The following GRIP2 variants were observed in gnomAD, a reference collection of about 807,000 sequenced individuals.
The protein encoded by GRIP2 is glutamate receptor interacting protein 2, also known as glutamate receptor-interacting protein 2.
In GRIP2, 58 loss-of-function variants were observed where a neutral mutation model predicts 108.3. The ratio of observed to expected loss-of-function variants is 0.54; its 90% CI spans 0.43 to 0.67. GRIP2 has a LOEUF of 0.67. Among genes scored for constraint, GRIP2 ranks in the 30% least tolerant of loss-of-function variants. The pLI is 0.00. For synonymous variants in GRIP2, 586 were observed against 598.2 expected, an observed-to-expected ratio of 0.98 and a Z score of 0.30; for missense variants, 1,278 against 1,430.6, an observed-to-expected ratio of 0.89 and a Z score of 1.72.
At position 14,492,228 on chromosome 3, in the gene GRIP2, C is replaced by T. The variant is rs972365781; in HGVS notation, c.*1437G>A. 1.3e-5 allele frequency: 2 copies of T among 152,288 alleles called. No individual in the cohort carries two copies. Among genetic ancestry groups the T allele is most frequent in the African/African-American group, 2.4e-5 (1 of 41,466 alleles). 9.4% of individuals were successfully genotyped at this position (152,288 alleles called of 1,614,324 possible). Reference sequence around the variant, plus strand: ...AGGGTGAAAAGAACAGACCTCTTGACTCCTCATCTGTTCCCTCAAATGGAA... The same window carrying T: ...AGGGTGAAAAGAACAGACCTCTTGATTCCTCATCTGTTCCCTCAAATGGAA... On this transcript the variant is annotated 3_prime_UTR_variant, in exon 24 of 24. Transcript: ENST00000621039.
chr3:14,513,842 G>C lies in GRIP2; in HGVS notation c.1494-32C>G, dbSNP rs776391565. On this transcript the variant is annotated intron_variant, in intron 12 of 23. Transcript: ENST00000621039. ...CCAGGGGGCCCGGCAGAGAGAAGAG[G>C]CTCCGTGACAGGTCCATTGGGAGAC... 3.1e-6 allele frequency: 5 copies of C among 1,606,442 alleles called. No homozygotes were observed. The Admixed American group carries it at 6.7e-5, about 22-fold the overall frequency.
At chr3:14,527,247 A>AAAGGGAAGGG (rs145344565) in intron 1 of GRIP2, among the ~76,000 whole-genome samples, 52 of 151,038 alleles carry the variant, frequency 3.4e-4, no homozygotes, top group South Asian at 8.4e-4. Flanking sequence ...AAGAAGGAAG[A>AAAGGGAAGGG]AAGGGAAGGG....
At chr3:14,589,528 G>A in the GRIP2 span, among the ~76,000 whole-genome samples, 1 of 152,160 alleles carries the variant, frequency 6.6e-6, no homozygotes, top group Non-Finnish European at 1.5e-5. Context: ...ATCCCCTATA[G>A]ACAGTTGGTT....
chr3:14,590,783 G>A, the GRIP2 span, among the ~76,000 whole-genome samples: 2 of 152,222 alleles, frequency 1.3e-5, no homozygotes, highest in East Asian at 1.9e-4. Context: ...GTGATTAAGT[G>A]TATAAAGGGG....
chr3:14,587,562 C>T, the GRIP2 span, among the ~76,000 whole-genome samples: 1 of 151,202 alleles, frequency 6.6e-6, no homozygotes, highest in Non-Finnish European at 1.5e-5. Context: ...TCGCTTGAAC[C>T]TGGGAGGCGG....
At chr3:14,494,714 A>G in intron 23 of GRIP2, 129 bp downstream of exon 23, 1 of 1,185,560 alleles carries the variant, frequency 8.4e-7, no homozygotes, top group African/African-American at 1.6e-5. Context: ...CCGCAATGCA[A>G]CTTTGGCTAA....
the GRIP2 span, among the ~76,000 whole-genome samples, chr3:14,600,571 C>T: frequency 3.2e-4 from 49 of 152,144 alleles, no homozygotes; most frequent in Admixed American, 7.2e-4. Flanking sequence ...CTGGCTGGGG[C>T]CCCTCTCTGA....
chr3:14,579,542 T>G, the GRIP2 span, among the ~76,000 whole-genome samples: 2 of 152,254 alleles, frequency 1.3e-5, no homozygotes, highest in East Asian at 3.9e-4. Flanking sequence ...TGGGAGGCAT[T>G]GTGGTAACTT....
upstream of GRIP2, among the ~76,000 whole-genome samples, chr3:14,541,142 G>C (rs1437431181): frequency 6.6e-6 from 1 of 152,258 alleles, no homozygotes; most frequent in Admixed American, 6.5e-5. Flanking sequence ...GGACTGACCA[G>C]GCTGATCTTA....
Position 14,503,552 on chromosome 3 carries a change from G to T in GRIP2, c.2679+14C>A. ...CGGGTGCCCCATGCAGGCCTGCAGG[G>T]CAGGCAGCCATACCTCCAGTTCCCT... On this transcript the variant is annotated intron_variant, in intron 21 of 23. Transcript: ENST00000621039. 1 of 1,595,402 alleles carries T rather than the reference G, an allele frequency of 6.3e-7. No homozygotes were observed. Among genetic ancestry groups the T allele is most frequent in the Non-Finnish European group, 8.6e-7 (1 of 1,168,370 alleles).
In GRIP2 at chr3:14,493,675, C is replaced by T. The variant is rs200524921; in HGVS notation, c.3122G>A (p.Arg1041Gln). 118 of 1,602,074 alleles carry T rather than the reference C, an allele frequency of 7.4e-5. 1 individual carries two copies. The highest frequency in any genetic ancestry group is 6.1e-4 in the Admixed American group (36 of 58,712). The change falls in exon 24 of 24, where the codon CGG (arginine) becomes CAG (glutamine). Residue 1041 changes from arginine to glutamine, a missense_variant. By Grantham distance (43) the Arg-to-Gln change is conservative. Transcript: ENST00000621039. ...GCCCACATGCTGACTTCAGAGCATCCGGGGACTGCTGGGGCCTGGCGATCG... is the reference window on the plus strand; with the variant it reads ...GCCCACATGCTGACTTCAGAGCATCTGGGGACTGCTGGGGCCTGGCGATCG... ...APRSPGPSSP[R>Q]ML
At chr3:14,504,459 GCGCCACC>G (rs2124862087) in intron 20 of GRIP2, among the ~76,000 whole-genome samples, 1 of 151,866 alleles carries the variant, frequency 6.6e-6, no homozygotes, top group South Asian at 2.1e-4. Context: ...CCACAGGCAT[GCGCCACC>G]ACCCCTGGCC....
intron 22 of GRIP2, among the ~76,000 whole-genome samples, chr3:14,495,949 C>A (rs1017992139): frequency 1.3e-5 from 2 of 152,038 alleles, no homozygotes; most frequent in African/African-American, 4.8e-5. Flanking sequence ...AGTTTGAGAC[C>A]AGCCTGGGCA....
At chr3:14,500,718 T>C (rs1339687901) in intron 21 of GRIP2, among the ~76,000 whole-genome samples, 1 of 152,126 alleles carries the variant, frequency 6.6e-6, no homozygotes, top group Non-Finnish European at 1.5e-5. Context: ...CCTAAAGCAG[T>C]TTACCACCTA....
chr3:14,507,588 T>A lies in GRIP2; in HGVS notation c.2191A>T (p.Thr731Ser). The A allele has an allele frequency of 6.2e-7, 1 of 1,613,982 alleles. No individual in the cohort carries two copies. Among genetic ancestry groups the A allele is most frequent in the Non-Finnish European group, 8.5e-7 (1 of 1,179,832 alleles). The change falls in exon 18 of 24, where the codon ACA (threonine) becomes TCA (serine). Residue 731 changes from threonine (T) to serine (S), a missense_variant. Thr to Ser is a moderately conservative substitution (Grantham distance 58). Transcript: ENST00000621039. This position sits in a 1 kb window ranked among gnomAD's most constrained non-coding sequence, Gnocchi z 4.6. ...HLLQVAGETV[T>S]LKIKKQLDRP... Reference sequence around the variant, plus strand: ...TCTAGTTGCTTCTTGATCTTCAGTGTGACGGTCTCTCCAGCCACCTGCAGG... The same window carrying A: ...TCTAGTTGCTTCTTGATCTTCAGTGAGACGGTCTCTCCAGCCACCTGCAGG...
chr3:14,556,459 A>G (rs1055426860), upstream of GRIP2, among the ~76,000 whole-genome samples: 2 of 152,134 alleles, frequency 1.3e-5, no homozygotes, highest in Non-Finnish European at 1.5e-5. Flanking sequence ...GCTGGACCTC[A>G]ACACATTTCA....
chr3:14,560,236 A>G (rs1695298983), upstream of GRIP2, among the ~76,000 whole-genome samples: 1 of 152,172 alleles, frequency 6.6e-6, no homozygotes, highest in African/African-American at 2.4e-5. Flanking sequence ...CCTGAGTGAC[A>G]GAGGGAGATC....
the GRIP2 span, among the ~76,000 whole-genome samples, chr3:14,583,316 C>G: frequency 2.6e-5 from 4 of 152,180 alleles, no homozygotes; most frequent in Admixed American, 6.5e-5. Flanking sequence ...GTTTACAAAC[C>G]TAGGCCCACC....
chr3:14,590,267 G>T, the GRIP2 span, among the ~76,000 whole-genome samples: 36 of 152,082 alleles, frequency 2.4e-4, no homozygotes, highest in Non-Finnish European at 5.0e-4. Flanking sequence ...CTGTTCCCAG[G>T]CTCCTGGACG....
Sources: gnomAD v4.1 joint callset for allele counts (sites outside exome capture counted in the v4.1 genomes callset) on GRCh38, gnomAD v4.1.1 for gene constraint, Gnocchi (gnomAD v3.1) non-coding constraint, MANE v1.5 for transcripts, NCBI Gene and HGNC (gene_info 2026-07-23, HGNC 2026-07-21) for gene names.